LEKR1: variants seen among roughly 807,000 people sequenced by gnomAD.
The protein encoded by LEKR1 is leucine, glutamate and lysine rich 1.
A neutral mutation model predicts 72.4 loss-of-function variants in LEKR1; 59 were observed. The observed-to-expected ratio is 0.82, with a 90% CI of 0.66 to 1.01. The LOEUF is 1.01. LEKR1 is among the 50% of genes least tolerant of loss of function. LEKR1 has a pLI of 0.00. For missense variants in LEKR1, 728 were observed against 759.2 expected, an observed-to-expected ratio of 0.96 and a Z score of 0.48; for synonymous variants, 257 against 263.2, an observed-to-expected ratio of 0.98 and a Z score of 0.23.
chr3:157,033,885 A>T (rs1434367078), intron 12 of LEKR1, among the ~76,000 whole-genome samples: 1 of 152,172 alleles, frequency 6.6e-6, no homozygotes, highest in Non-Finnish European at 1.5e-5. Context: ...TTTAAGTTGA[A>T]GCCAATGCTC....
intron 7 of LEKR1, chr3:156,988,726 A>G (rs765888722): frequency 1.6e-4 from 34 of 212,032 alleles, no homozygotes; most frequent in Non-Finnish European, 3.0e-4. Flanking sequence ...TCAGTCTACA[A>G]TGATGTATCT....
chr3:156,936,460 CACACA>C (rs1488336238), intron 5 of LEKR1, among the ~76,000 whole-genome samples: 4 of 123,482 alleles, frequency 3.2e-5, no homozygotes, highest in African/African-American at 1.1e-4. Context: ...CACACACACA[CACACA>C]CCCCCCGTAT....
At chr3:156,917,796 A>G (rs918461140) in intron 3 of LEKR1, among the ~76,000 whole-genome samples, 4 of 152,170 alleles carry the variant, frequency 2.6e-5, no homozygotes, top group African/African-American at 7.2e-5. Flanking sequence ...AGGGTATAGG[A>G]GAATTGACAT....
Position 156,953,668 on chromosome 3 carries a change from T to A in LEKR1, c.745+10954T>A, listed in dbSNP as rs74674838. 2.6e-3 allele frequency among the ~76,000 whole-genome samples: 397 copies of A among 152,106 alleles called. 13 individuals carry two copies. The East Asian group carries it at 0.069, about 26-fold the overall frequency. ...TTTGCTAAGGATAACAGCTTCCAGA[T>A]CCATCCATGTCTCTTCAGAGGACAT... On this transcript the variant is annotated intron_variant, in intron 6 of 12. Transcript: ENST00000356539.
At chr3:157,042,354 C>G (rs1322644700) in intron 12 of LEKR1, among the ~76,000 whole-genome samples, 2 of 152,230 alleles carry the variant, frequency 1.3e-5, no homozygotes, top group Non-Finnish European at 2.9e-5. Flanking sequence ...GCTCTTCCCC[C>G]ACCCCGCTGG....
chr3:157,020,422 TC>T (rs1349103437), intron 10 of LEKR1, among the ~76,000 whole-genome samples: 3 of 72,412 alleles, frequency 4.1e-5, no homozygotes, highest in African/African-American at 5.4e-5. Context: ...ATGCTATCCC[TC>T]CCCCCTCCCC....
chr3:156,976,593 T>C (rs148878070), intron 6 of LEKR1, among the ~76,000 whole-genome samples: 2 of 152,296 alleles, frequency 1.3e-5, no homozygotes, highest in Admixed American at 1.3e-4. Context: ...TACTGCATAT[T>C]TCATTGTTAA....
At chr3:156,944,199 C>A (rs1347933928) in intron 6 of LEKR1, among the ~76,000 whole-genome samples, 1 of 151,464 alleles carries the variant, frequency 6.6e-6, no homozygotes, top group Admixed American at 6.6e-5. Flanking sequence ...CCAAGTGAGT[C>A]ATTAATACAT....
intron 10 of LEKR1, among the ~76,000 whole-genome samples, chr3:157,014,063 A>G (rs951903332): frequency 6.6e-6 from 1 of 152,106 alleles, no homozygotes; most frequent in African/African-American, 2.4e-5. Flanking sequence ...ACTTGAAGAA[A>G]GCAAATTAAT....
chr3:156,830,005 T>C (rs1712159163), intron 2 of LEKR1, among the ~76,000 whole-genome samples: 1 of 152,148 alleles, frequency 6.6e-6, no homozygotes, highest in Non-Finnish European at 1.5e-5. Flanking sequence ...AAATCTATTA[T>C]AAAAAGGTAA....
At chr3:156,844,039 C>T (rs540862309) in intron 2 of LEKR1, among the ~76,000 whole-genome samples, 1 of 152,086 alleles carries the variant, frequency 6.6e-6, no homozygotes, top group East Asian at 1.9e-4. Flanking sequence ...AATTTGTAGT[C>T]AAAAATACTT....
chr3:156,908,809 T>A (rs892027408), intron 3 of LEKR1, among the ~76,000 whole-genome samples: 3 of 152,290 alleles, frequency 2.0e-5, no homozygotes, highest in African/African-American at 4.8e-5. Flanking sequence ...TTCTCTTGGG[T>A]CATAACACTA....
intron 5 of LEKR1, among the ~76,000 whole-genome samples, chr3:156,934,153 T>C (rs1725492973): frequency 6.6e-6 from 1 of 152,232 alleles, no homozygotes; most frequent in African/African-American, 2.4e-5. Context: ...TATTTACTAC[T>C]ACCAGAAATA....
rs140125178 is a variant in LEKR1 at position 157,044,421 on chromosome 3, C to T, written c.1669-919C>T. On this transcript the variant is annotated intron_variant, in intron 12 of 12. Coordinates refer to ENST00000356539, the MANE Select transcript of LEKR1 (RefSeq NM_001004316.3). ...CACCTCAACTAGAAATGCAGAATTT[C>T]AGAATTTCGAAGAGACTTAATTATC... Among the ~76,000 whole-genome samples, 600 of 152,300 alleles carry T rather than the reference C, an allele frequency of 3.9e-3. 5 individuals carry two copies. The highest frequency in any genetic ancestry group is 6.5e-3 in the Non-Finnish European group (441 of 68,016).
At chr3:156,990,983 TAC>T (rs1183027419) in intron 7 of LEKR1, among the ~76,000 whole-genome samples, 1 of 152,176 alleles carries the variant, frequency 6.6e-6, no homozygotes, top group East Asian at 1.9e-4. Context: ...TATCAAATTA[TAC>T]ACTTTAAAGA....
chr3:156,996,987 C>T (rs1399939755), intron 9 of LEKR1, among the ~76,000 whole-genome samples: 2 of 151,700 alleles, frequency 1.3e-5, no homozygotes, highest in Admixed American at 6.6e-5. Flanking sequence ...ATCGTCTGAA[C>T]CTGGGAGGCG....
At chr3:156,964,304 T>C (rs923224581) in intron 6 of LEKR1, among the ~76,000 whole-genome samples, 6 of 152,162 alleles carry the variant, frequency 3.9e-5, no homozygotes, top group Non-Finnish European at 7.4e-5. Context: ...AATCCTTCCA[T>C]GTCAAAAATA....
chr3:156,854,893 A>G (rs1715857596), intron 3 of LEKR1, among the ~76,000 whole-genome samples: 1 of 152,036 alleles, frequency 6.6e-6, no homozygotes, highest in African/African-American at 2.4e-5. Context: ...TTATCTTTTA[A>G]TAGACTAGTT....
intron 9 of LEKR1, among the ~76,000 whole-genome samples, chr3:156,998,403 G>T (rs1379402874): frequency 6.6e-6 from 1 of 152,124 alleles, no homozygotes; most frequent in Non-Finnish European, 1.5e-5. Flanking sequence ...ACACCAGCAT[G>T]TGGCCTACAA....
Sources: allele counts gnomAD v4.1 joint callset (sites outside exome capture counted in the v4.1 genomes callset), GRCh38; gene constraint gnomAD v4.1.1; transcripts MANE v1.5; gene names NCBI Gene and HGNC (gene_info 2026-07-23, HGNC 2026-07-21).